SLX4IP: variants seen among roughly 807,000 people sequenced by gnomAD.
The protein encoded by SLX4IP is SLX4 interacting protein.
SLX4IP carries 34 observed loss-of-function variants against 32.9 expected under a neutral mutation model. The ratio of observed to expected loss-of-function variants is 1.03; its 90% CI spans 0.79 to 1.38. SLX4IP has a LOEUF of 1.38. SLX4IP is among the 40% of genes most tolerant of loss of function. SLX4IP has a pLI of 0.00. For synonymous variants in SLX4IP, 172 were observed against 171.7 expected (o/e 1.00, Z -0.01); for missense variants, 444 against 479.0 (o/e 0.93, Z 0.68).
intron 2 of SLX4IP, among the ~76,000 whole-genome samples, chr20:10,460,825 T>A (rs908717046): frequency 3.9e-4 from 60 of 152,210 alleles, no homozygotes; most frequent in African/African-American, 1.4e-3. Flanking sequence ...AGTTCACTGT[T>A]GGCCTGATCT....
In SLX4IP at chr20:10,605,580, C is replaced by T. The variant is rs1229380145; in HGVS notation, c.405+3761C>T. Among the ~76,000 whole-genome samples the T allele has an allele frequency of 2.6e-5, 4 of 152,170 alleles. No homozygotes were observed. The East Asian group carries it at 5.8e-4, about 22-fold the overall frequency. On this transcript the variant is annotated intron_variant, in intron 6 of 7. Transcript: ENST00000334534. ...CTTTTTTTACTTTTAAACCGAAGCT[C>T]TCAAAGTCTGTGATCCTTTTGGAAA...
intron 4 of SLX4IP, among the ~76,000 whole-genome samples, chr20:10,584,745 G>A (rs1350996184): frequency 6.6e-6 from 1 of 152,168 alleles, no homozygotes; most frequent in Non-Finnish European, 1.5e-5. Flanking sequence ...CCCTAGACTA[G>A]TAGATAGATG....
intron 6 of SLX4IP, among the ~76,000 whole-genome samples, chr20:10,609,713 A>T (rs947856052): frequency 3.3e-5 from 5 of 152,140 alleles, no homozygotes; most frequent in African/African-American, 1.2e-4. Flanking sequence ...TCCTTCTTTC[A>T]TCATCCCGAA....
chr20:10,589,563 A>G (rs1468364496), intron 4 of SLX4IP, among the ~76,000 whole-genome samples: 1 of 152,170 alleles, frequency 6.6e-6, no homozygotes, highest in Non-Finnish European at 1.5e-5. Context: ...TCAGAAAGAG[A>G]GGTCTGTGTA....
Position 10,626,181 on chromosome 20 carries a change from A to G in SLX4IP, c.*2802A>G, listed in dbSNP as rs1600171330. 1.0e-5 allele frequency: 1 copy of G among 100,188 alleles called. No homozygotes were observed. Among genetic ancestry groups the G allele is most frequent in the African/African-American group, 3.4e-5 (1 of 29,178 alleles). The allele number at this position is 100,188 out of a possible 1,614,324, so 6.2% of individuals were successfully genotyped here. On this transcript the variant is annotated 3_prime_UTR_variant, in exon 8 of 8. Coordinates refer to ENST00000334534, the MANE Select transcript of SLX4IP (RefSeq NM_001009608.3). The stretch of plus-strand genomic sequence containing the variant: ...AGACGCTCGCCACCACGCCCGGCTA[A>G]TTTTTTGTATTTTTTTTTTTTTTTT...
At chr20:10,438,821 G>C (rs1046331236) in intron 1 of SLX4IP, among the ~76,000 whole-genome samples, 1 of 151,698 alleles carries the variant, frequency 6.6e-6, no homozygotes, top group Admixed American at 6.6e-5. Context: ...TGCTTTTTGG[G>C]GGGTACGGGT....
chr20:10,621,527 C>T (rs997115014), intron 7 of SLX4IP, 113 bp downstream of exon 7: 10 of 852,756 alleles, frequency 1.2e-5, no homozygotes, highest in East Asian at 5.3e-5. Flanking sequence ...AACTCCCCTC[C>T]GTCACGTACT....
intron 2 of SLX4IP, among the ~76,000 whole-genome samples, chr20:10,479,719 A>G (rs1248838720): frequency 2.7e-5 from 4 of 149,416 alleles, no homozygotes; most frequent in Non-Finnish European, 4.5e-5. Flanking sequence ...AAACAGGCAA[A>G]CAGAGGCCGG....
At chr20:10,589,936 A>C (rs989360707) in intron 4 of SLX4IP, among the ~76,000 whole-genome samples, 2 of 152,086 alleles carry the variant, frequency 1.3e-5, no homozygotes, top group African/African-American at 4.8e-5. Flanking sequence ...AATTAGGAAA[A>C]AAATTTTTTT....
chr20:10,503,902 A>G (rs2065738497), intron 2 of SLX4IP, among the ~76,000 whole-genome samples: 2 of 151,918 alleles, frequency 1.3e-5, no homozygotes, highest in African/African-American at 4.8e-5. Flanking sequence ...CAACAGTCAT[A>G]TTGGATTAAA....
intron 4 of SLX4IP, among the ~76,000 whole-genome samples, 189 bp from the exon 5 acceptor site, chr20:10,598,486 A>C (rs969248434): frequency 9.2e-5 from 14 of 152,110 alleles, no homozygotes; most frequent in African/African-American, 2.7e-4. Flanking sequence ...CTGGTCTCGA[A>C]CTCCTGACCT....
rs146483595 is a variant in SLX4IP, at chr20:10,613,433, C to A, written c.406-7881C>A. On this transcript the variant is annotated intron_variant, in intron 6 of 7. Transcript: ENST00000334534. Reference sequence around the variant, plus strand: ...CTAAGGACCTTTGAAGAGAAAAATTCCATTATTTCTTTTTTTTCTTGAGAG... The same window carrying A: ...CTAAGGACCTTTGAAGAGAAAAATTACATTATTTCTTTTTTTTCTTGAGAG... 5.8e-4 allele frequency: 919 copies of A among 1,587,770 alleles called. 3 individuals are homozygous for A. The highest frequency in any genetic ancestry group is 8.3e-4 in the Admixed American group (50 of 59,976).
intron 2 of SLX4IP, among the ~76,000 whole-genome samples, chr20:10,496,405 A>G (rs1168464374): frequency 6.6e-6 from 1 of 152,102 alleles, no homozygotes; most frequent in Non-Finnish European, 1.5e-5. Context: ...AATTCTTTTT[A>G]CTACTAAAGT....
chr20:10,455,627 T>A (rs6108583), intron 1 of SLX4IP, among the ~76,000 whole-genome samples: 870 of 84,322 alleles, frequency 0.01, 9 homozygotes, highest in African/African-American at 0.05. Flanking sequence ...TTATTTATTT[T>A]GAGACAGAGT....
At chr20:10,437,910 C>T (rs1475619244) in intron 1 of SLX4IP, among the ~76,000 whole-genome samples, 1 of 152,182 alleles carries the variant, frequency 6.6e-6, no homozygotes, top group Admixed American at 6.5e-5. Flanking sequence ...AGCTTTGTGA[C>T]CTTGATCAGA....
chr20:10,583,556 A>G (rs2066610029), intron 4 of SLX4IP, among the ~76,000 whole-genome samples: 1 of 152,136 alleles, frequency 6.6e-6, no homozygotes, highest in Non-Finnish European at 1.5e-5. Flanking sequence ...TGGTGGCATT[A>G]ACCTGCCTCT....
chr20:10,467,944 A>G (rs1199703835), intron 2 of SLX4IP, among the ~76,000 whole-genome samples: 3 of 152,182 alleles, frequency 2.0e-5, no homozygotes, highest in African/African-American at 7.2e-5. Context: ...TCATGTGATA[A>G]TAGATAAACT....
intron 4 of SLX4IP, among the ~76,000 whole-genome samples, chr20:10,579,531 G>A (rs1227738789): frequency 6.6e-6 from 1 of 151,764 alleles, no homozygotes; most frequent in African/African-American, 2.4e-5. Flanking sequence ...AGGTTCAACC[G>A]ATTCTCCACC....
Position 10,601,815 on chromosome 20 carries a change from AT to A in SLX4IP, c.404del (p.Leu135Ter), listed in dbSNP as rs2066845417. The A allele has an allele frequency of 3.1e-6, 5 of 1,613,546 alleles. No individual in the cohort carries two copies. Among genetic ancestry groups the A allele is most frequent in the Non-Finnish European group, 4.2e-6 (5 of 1,179,562 alleles). On this transcript the variant is annotated frameshift_variant, in exon 6 of 8. Coordinates refer to ENST00000334534, the MANE Select transcript of SLX4IP (RefSeq NM_001009608.3). LOFTEE classifies it high-confidence loss of function. Reference sequence around the variant, plus strand: ...GATCTTTTAGCAAGTCAGAATGAAGATTTGGTGAGTATGAAAAAATTCTATA... The same window carrying A: ...GATCTTTTAGCAAGTCAGAATGAAGATTGGTGAGTATGAAAAAATTCTATA... ...SRDLLASQNEDLTERVLHGVS... is the reference protein window; with the variant it reads ...SRDLLASQNEXLTERVLHGVS...
Sources: allele counts gnomAD v4.1 joint callset (sites outside exome capture counted in the v4.1 genomes callset), GRCh38; gene constraint gnomAD v4.1.1; transcripts MANE v1.5; gene names NCBI Gene and HGNC (gene_info 2026-07-23, HGNC 2026-07-21).